ARFGEF1: variants seen among roughly 807,000 people sequenced by gnomAD.
ARFGEF1 encodes the protein brefeldin A-inhibited guanine nucleotide-exchange protein 1.
Under a neutral mutation model 231.0 loss-of-function variants are expected in ARFGEF1, and 42 were observed. The observed-to-expected ratio is 0.18, with a 90% confidence interval of 0.14 to 0.24. The LOEUF (loss-of-function observed/expected upper bound fraction) is 0.24, where lower values mean the gene tolerates loss of function less well. Among genes scored for constraint, ARFGEF1 ranks in the 10% least tolerant of loss-of-function variants. The pLI, the probability that ARFGEF1 is intolerant of heterozygous loss-of-function variation, is 1.00. For missense variants in ARFGEF1, 1,345 were observed against 2,192.0 expected, an observed-to-expected ratio of 0.61 and a Z score of 7.72; for synonymous variants, 710 against 732.3, an observed-to-expected ratio of 0.97 and a Z score of 0.49.
At chr8:67,200,358 C>T (rs768129225) in intron 38 of ARFGEF1, 38 bp downstream of exon 38, 4 of 1,432,464 alleles carry the variant, frequency 2.8e-6, no homozygotes, top group Non-Finnish European at 2.0e-6. Flanking sequence ...GCGAATTGGG[C>T]TAGAAATGTG....
At chr8:67,201,750 G>A in intron 36 of ARFGEF1, 145 bp from the exon 37 acceptor site, 2 of 1,073,034 alleles carry the variant, frequency 1.9e-6, no homozygotes, top group Non-Finnish European at 1.4e-6. Context: ...CTGATGTGAA[G>A]GTGATTTCCA....
chr8:67,290,331 A>T (rs1409128530), intron 6 of ARFGEF1, among the ~76,000 whole-genome samples: 1 of 151,842 alleles, frequency 6.6e-6, no homozygotes, highest in Non-Finnish European at 1.5e-5. Context: ...CCTCACACAC[A>T]GCAGATGCTC....
chr8:67,283,622 T>A (rs897110029), intron 7 of ARFGEF1, among the ~76,000 whole-genome samples: 1 of 152,090 alleles, frequency 6.6e-6, no homozygotes. Flanking sequence ...TATCACAGAA[T>A]CCTAATACAT....
At chr8:67,199,955 T>C (rs888921266) in intron 38 of ARFGEF1, 2 of 268,484 alleles carry the variant, frequency 7.4e-6, no homozygotes, top group Non-Finnish European at 1.5e-5. Flanking sequence ...CACTAGGGAC[T>C]CTGGGTTACC....
intron 1 of ARFGEF1, among the ~76,000 whole-genome samples, chr8:67,304,920 A>C (rs187167784): frequency 3.3e-4 from 50 of 152,354 alleles, no homozygotes; most frequent in Admixed American, 2.9e-3. Context: ...ATTTAAAAAA[A>C]TTATCATTAT....
At chr8:67,301,794 A>G (rs1167377611) in intron 2 of ARFGEF1, among the ~76,000 whole-genome samples, 1 of 152,164 alleles carries the variant, frequency 6.6e-6, no homozygotes, top group African/African-American at 2.4e-5. Flanking sequence ...CTATCAAAAA[A>G]CCTAGTAATT....
rs565498213 is a variant in ARFGEF1, at chr8:67,336,651, T to G, written c.124+6513A>C. On this transcript the variant is annotated intron_variant, in intron 1 of 38. Transcript: ENST00000262215. ...ATGGACTTTTTCCTTTGTATGTGAC[T>G]GTGTCCCTTCCTCTTCCTTAAAAGG... is the stretch of plus-strand genomic sequence containing the variant. Among the ~76,000 whole-genome samples, 5 of 152,342 alleles carry G rather than the reference T, an allele frequency of 3.3e-5. No individual in the cohort carries two copies. In the East Asian group the frequency reaches 7.7e-4, roughly 24 times the overall value.
chr8:67,217,629 GTAA>G (rs1293076459), intron 32 of ARFGEF1, among the ~76,000 whole-genome samples, 150 bp downstream of exon 32: 1 of 152,152 alleles, frequency 6.6e-6, no homozygotes, highest in Non-Finnish European at 1.5e-5. Context: ...AGTTTGGTTT[GTAA>G]TAAATCTAAA....
chr8:67,331,422 C>G (rs1024978496), intron 1 of ARFGEF1, among the ~76,000 whole-genome samples: 1 of 152,112 alleles, frequency 6.6e-6, no homozygotes, highest in African/African-American at 2.4e-5. Context: ...GTATTTCACT[C>G]TTCTACCATG....
intron 34 of ARFGEF1, among the ~76,000 whole-genome samples, chr8:67,209,857 A>C (rs1838659320): frequency 6.6e-6 from 1 of 152,028 alleles, no homozygotes; most frequent in South Asian, 2.1e-4. Context: ...GCTCCTTAAA[A>C]AGTAGGGTGC....
chr8:67,184,771 G>T (rs1834014431), intron 5 of ARFGEF1, among the ~76,000 whole-genome samples: 3 of 132,558 alleles, frequency 2.3e-5, no homozygotes, highest in African/African-American at 6.6e-5. Flanking sequence ...TAATAATAAA[G>T]GTTGGGGGGC....
At chr8:67,281,353 T>G (rs1235600038) in intron 7 of ARFGEF1, among the ~76,000 whole-genome samples, 1 of 152,078 alleles carries the variant, frequency 6.6e-6, no homozygotes, top group African/African-American at 2.4e-5. Context: ...AATCAACTGC[T>G]ACTCCTGATT....
intron 19 of ARFGEF1, among the ~76,000 whole-genome samples, chr8:67,240,726 C>T (rs1360794732): frequency 6.6e-6 from 1 of 152,150 alleles, no homozygotes; most frequent in African/African-American, 2.4e-5. Context: ...ATTCCCTGAA[C>T]ATCATTTAGC....
Position 67,258,205 on chromosome 8 carries a change from C to A in ARFGEF1, c.2321G>T (p.Gly774Val). The A allele has an allele frequency of 6.2e-7, 1 of 1,612,112 alleles. No homozygotes were observed. Among genetic ancestry groups the A allele is most frequent in the Non-Finnish European group, 8.5e-7 (1 of 1,178,334 alleles). ...ACGAAGGGCTGAAACGAAGTCTTTT[C>A]CTGAAAAGTCATGTTGGTCCACATA... ...YAYVDQHDFS[G>V]KDFVSALRMF... Residue 774 changes from glycine (G) to valine (V), a missense_variant, in exon 16 of 39, where the codon GGA (glycine) becomes GTA (valine). Physicochemically the swap from Gly to Val is moderately radical, Grantham distance 109. Coordinates refer to ENST00000262215, the MANE Select transcript of ARFGEF1 (RefSeq NM_006421.5).
At chr8:67,336,725 T>G (rs1808358967) in intron 1 of ARFGEF1, among the ~76,000 whole-genome samples, 1 of 152,124 alleles carries the variant, frequency 6.6e-6, no homozygotes, top group African/African-American at 2.4e-5. Context: ...AAGTTGAGGA[T>G]CTCAACTTCA....
At chr8:67,211,377 ACAAT>A in intron 34 of ARFGEF1, 102 bp downstream of exon 34, 1 of 659,408 alleles carries the variant, frequency 1.5e-6, no homozygotes, top group Non-Finnish European at 2.2e-6. Flanking sequence ...AAGTGATGAC[ACAAT>A]CAATTATAGT....
chr8:67,202,996 C>A, intron 36 of ARFGEF1, 87 bp downstream of exon 36: 1 of 1,368,310 alleles, frequency 7.3e-7, no homozygotes. Context: ...AGACCTATAG[C>A]AGACAGTCAA....
intron 1 of ARFGEF1, among the ~76,000 whole-genome samples, chr8:67,324,771 A>G (rs1313593487): frequency 3.3e-5 from 5 of 152,238 alleles, no homozygotes; most frequent in African/African-American, 1.2e-4. Context: ...AAGATGTTCA[A>G]TAAATGTTTG....
intron 1 of ARFGEF1, among the ~76,000 whole-genome samples, chr8:67,328,999 G>A (rs1402607106): frequency 2.6e-5 from 4 of 152,094 alleles, no homozygotes; most frequent in Non-Finnish European, 2.9e-5. Context: ...AGGTTGAGGC[G>A]GGCGGATCAC....
Sources: allele counts gnomAD v4.1 joint callset (sites outside exome capture counted in the v4.1 genomes callset), GRCh38; gene constraint gnomAD v4.1.1; transcripts MANE v1.5; gene names NCBI Gene and HGNC (gene_info 2026-07-23, HGNC 2026-07-21).